Variants in TMEM164 observed in about 807,000 individuals in gnomAD.
TMEM164 encodes the protein RP13-360B22.2.
TMEM164 carries 4 observed loss-of-function variants against 18.8 expected under a neutral mutation model. The observed-to-expected ratio is 0.21, with a 90% CI of 0.10 to 0.49. TMEM164 has a LOEUF of 0.49. Ranked by LOEUF, TMEM164 falls within the 20% of genes least tolerant of loss-of-function variation. The pLI is 0.98. For missense variants in TMEM164, 108 were observed against 239.9 expected (o/e 0.45, Z 3.63); for synonymous variants, 86 against 101.7 (o/e 0.85, Z 0.93).
intron 4 of TMEM164, among the ~76,000 whole-genome samples, chrX:110,140,453 A>C (rs570788562): frequency 6.5e-4 from 73 of 112,083 alleles, no homozygotes; most frequent in African/African-American, 2.0e-3. Flanking sequence ...GGGACTGCTC[A>C]GGTGACTGAT....
chrX:110,035,186 G>A (rs780665155), intron 2 of TMEM164, among the ~76,000 whole-genome samples: 17 of 108,314 alleles, frequency 1.6e-4, no homozygotes, highest in Middle Eastern at 9.6e-3. Flanking sequence ...TAACATGCAC[G>A]TTGTGCACAT....
At position 110,176,076 on chromosome X, in the gene TMEM164, G is replaced by A. The variant is rs767003712; in HGVS notation, c.*2625G>A. ...AGTGCCAAGCCAGTTCCCCAGCCAG[G>A]TTTCCGTGTGCCATTTGCCAGCGTG... On this transcript the variant is annotated 3_prime_UTR_variant, in exon 7 of 7. Coordinates refer to ENST00000372068, the MANE Select transcript of TMEM164 (RefSeq NM_032227.4). 6.4e-5 allele frequency: 48 copies of A among 755,429 alleles called. No homozygotes were observed. The highest frequency in any genetic ancestry group is 7.5e-5 in the Non-Finnish European group (48 of 639,601). 62.3% of individuals were successfully genotyped at this position (755,429 alleles called of 1,213,427 possible). A position where few individuals can be genotyped will look rare whatever the true frequency, so the allele number is the denominator to read the frequency against.
chrX:110,075,840 G>A (rs897298543), intron 3 of TMEM164, among the ~76,000 whole-genome samples: 5 of 111,296 alleles, frequency 4.5e-5, no homozygotes, highest in Admixed American at 3.8e-4. Flanking sequence ...ACTATTTGAT[G>A]TGCTGCTGGA....
intron 4 of TMEM164, among the ~76,000 whole-genome samples, chrX:110,125,999 A>G (rs999497183): frequency 8.9e-6 from 1 of 112,410 alleles, no homozygotes; most frequent in Non-Finnish European, 1.9e-5. Context: ...ATTTCTGGGA[A>G]TTGTAAATTA....
At chrX:110,021,446 G>A (rs930192093) in intron 2 of TMEM164, among the ~76,000 whole-genome samples, 1 of 111,345 alleles carries the variant, frequency 9.0e-6, no homozygotes, top group African/African-American at 3.3e-5. Context: ...AAGTAGAAGA[G>A]TAGCTAAGTG....
chrX:110,099,011 G>C (rs1208510593), intron 3 of TMEM164, among the ~76,000 whole-genome samples: 1 of 103,183 alleles, frequency 9.7e-6, no homozygotes, highest in Non-Finnish European at 2.0e-5. Context: ...TGTTAGCCAG[G>C]ATGGTCTCGA....
intron 4 of TMEM164, among the ~76,000 whole-genome samples, chrX:110,114,788 G>A (rs2066337576): frequency 8.9e-6 from 1 of 112,161 alleles, no homozygotes; most frequent in Non-Finnish European, 1.9e-5. Context: ...GTACCCATCT[G>A]TCTTCTACTA....
intron 2 of TMEM164, among the ~76,000 whole-genome samples, chrX:110,051,704 G>A (rs1355140648): frequency 8.9e-6 from 1 of 112,052 alleles, no homozygotes; most frequent in East Asian, 2.8e-4. Context: ...GTTGCTTGAA[G>A]AAGGGTTATC....
intron 3 of TMEM164, among the ~76,000 whole-genome samples, chrX:110,100,716 C>T (rs189664514): frequency 0.014 from 1,557 of 110,424 alleles, 32 homozygotes; most frequent in African/African-American, 0.049. Flanking sequence ...GGACTACAGG[C>T]GCCCACCACC....
chrX:110,144,230 AT>A (rs1210746272), intron 4 of TMEM164, among the ~76,000 whole-genome samples: 2 of 110,056 alleles, frequency 1.8e-5, no homozygotes, highest in Non-Finnish European at 3.8e-5. Context: ...CCTAGCAATC[AT>A]TTTTTTTTCT....
intron 3 of TMEM164, among the ~76,000 whole-genome samples, chrX:110,099,079 T>A (rs1273568009): frequency 1.8e-5 from 2 of 109,130 alleles, no homozygotes; most frequent in African/African-American, 3.3e-5. Flanking sequence ...ATTACAGGCG[T>A]GAGCCACCGC....
chrX:110,012,359 T>C (rs754190111), intron 2 of TMEM164, among the ~76,000 whole-genome samples: 2 of 112,184 alleles, frequency 1.8e-5, no homozygotes, highest in African/African-American at 6.5e-5. Flanking sequence ...ATGATAGCCA[T>C]GGGGGATTAG....
chrX:110,138,599 G>T (rs1413867794), intron 4 of TMEM164, among the ~76,000 whole-genome samples: 1 of 111,970 alleles, frequency 8.9e-6, no homozygotes, highest in Non-Finnish European at 1.9e-5. Context: ...GAACGCCATT[G>T]AGGTAGAGAA....
At chrX:110,070,891 G>A (rs1299770517) in intron 3 of TMEM164, among the ~76,000 whole-genome samples, 1 of 111,146 alleles carries the variant, frequency 9.0e-6, no homozygotes, top group East Asian at 2.8e-4. Context: ...CTTATATCTG[G>A]CTATCTTACC....
chrX:110,046,046 A>G (rs1935303643), intron 2 of TMEM164: 1 of 754,366 alleles, frequency 1.3e-6, no homozygotes. Flanking sequence ...CTAGGCTCCT[A>G]CCTTTACAAT....
At chrX:110,038,671 A>T (rs762173042) in intron 2 of TMEM164, among the ~76,000 whole-genome samples, 77 of 109,051 alleles carry the variant, frequency 7.1e-4, no homozygotes, top group African/African-American at 2.5e-3. Flanking sequence ...ACCACTCCTC[A>T]CCCAACCTTA....
intron 2 of TMEM164, among the ~76,000 whole-genome samples, chrX:110,040,955 CT>C (rs1222001142): frequency 3.6e-5 from 4 of 111,843 alleles, no homozygotes; most frequent in Non-Finnish European, 7.5e-5. Flanking sequence ...GGAAATGTTT[CT>C]GTGAAACAAA....
chrX:110,097,960 C>T (rs952382248), intron 3 of TMEM164, among the ~76,000 whole-genome samples: 2 of 111,770 alleles, frequency 1.8e-5, no homozygotes, highest in African/African-American at 6.5e-5. Flanking sequence ...GAATAAAGTT[C>T]TATGAATCTT....
chrX:110,085,852 A>G (rs908381214), intron 3 of TMEM164, among the ~76,000 whole-genome samples: 1 of 111,410 alleles, frequency 9.0e-6, no homozygotes, highest in Admixed American at 9.6e-5. Context: ...TGCCCTTTTG[A>G]TTTTGGGGAA....
Sources: gnomAD v4.1 joint callset for allele counts (sites outside exome capture counted in the v4.1 genomes callset) on GRCh38, gnomAD v4.1.1 for gene constraint, MANE v1.5 for transcripts, NCBI Gene and HGNC (gene_info 2026-07-23, HGNC 2026-07-21) for gene names.